TSBP1: variants seen among roughly 807,000 people sequenced by gnomAD.
TSBP1 encodes the protein testis-expressed basic protein 1.
Under a neutral mutation model 68.8 loss-of-function variants are expected in TSBP1, and 56 were observed. The observed-to-expected ratio is 0.81, with a 90% CI of 0.66 to 1.02. The LOEUF is 1.02. Among genes scored for constraint, TSBP1 ranks in the 50% least tolerant of loss-of-function variants. TSBP1 has a pLI of 0.00. For synonymous variants in TSBP1, 171 were observed against 208.7 expected, an observed-to-expected ratio of 0.82 and a Z score of 1.56; for missense variants, 502 against 641.2, an observed-to-expected ratio of 0.78 and a Z score of 2.34.
At chr6:32,341,833 A>G (rs2127614645) in intron 9 of TSBP1, among the ~76,000 whole-genome samples, 1 of 152,294 alleles carries the variant, frequency 6.6e-6, no homozygotes, top group East Asian at 1.9e-4. Flanking sequence ...ATTTAATTCC[A>G]TCTTTGAACA....
At chr6:32,297,329 A>G (rs1486978027) in intron 22 of TSBP1, among the ~76,000 whole-genome samples, 1 of 152,232 alleles carries the variant, frequency 6.6e-6, no homozygotes. Flanking sequence ...AGATTTAATC[A>G]AGACTTTGGG....
chr6:32,370,314 C>G (rs977910474), intron 1 of TSBP1, among the ~76,000 whole-genome samples: 1 of 151,004 alleles, frequency 6.6e-6, no homozygotes, highest in Non-Finnish European at 1.5e-5. Flanking sequence ...AATCAGTGGT[C>G]TACGAAGCTA....
rs958762957 is a variant in TSBP1 at position 32,343,279 on chromosome 6, T to C, written c.350-3641A>G. On this transcript the variant is annotated intron_variant, in intron 9 of 22. Transcript: ENST00000612031. This position sits in a 1 kb window ranked among gnomAD's most constrained non-coding sequence, Gnocchi z 4.3. ...TAAAGCTAAAGAACAATAACAATTA[T>C]TCAAGTCAGTCTAAAGTTTCAATAA... The C allele has an allele frequency of 7.4e-7, 1 of 1,357,896 alleles. No homozygotes were observed. Among genetic ancestry groups the C allele is most frequent in the East Asian group, 3.0e-5 (1 of 33,424 alleles). 84.1% of individuals were successfully genotyped at this position (1,357,896 alleles called of 1,614,324 possible).
Position 32,310,761 on chromosome 6 carries a change from A to ATATATATATATATTT in TSBP1, c.580+5010_580+5011insAAATATATATATATA. 3.2e-3 allele frequency among the ~76,000 whole-genome samples: 457 copies of ATATATATATATATTT among 144,814 alleles called. 4 individuals are homozygous for ATATATATATATATTT. The highest frequency in any genetic ancestry group is 0.015 in the Middle Eastern group (4 of 272). ...TATATATACATATATATATATATAT[A>ATATATATATATATTT]TTTTTAATCTTTTTAGAAAGGATAG... On this transcript the variant is annotated intron_variant, in intron 19 of 22. Coordinates refer to ENST00000612031, the Ensembl canonical transcript of TSBP1.
In TSBP1 at chr6:32,335,849, C is replaced by T. The variant is rs1231478910; in HGVS notation, c.451+63G>A. The T allele has an allele frequency of 4.6e-5, 60 of 1,309,320 alleles. No individual in the cohort carries two copies. Among genetic ancestry groups the T allele is most frequent in the Non-Finnish European group, 6.2e-5 (56 of 910,260 alleles). 81.1% of individuals were successfully genotyped at this position (1,309,320 alleles called of 1,614,324 possible). ...AAATCCCAACATGGAAACCAGGTAG[C>T]GATCCCTAAGATACTGCAGGAAAGT... On this transcript the variant is annotated intron_variant, in intron 13 of 22. Coordinates refer to ENST00000612031, the Ensembl canonical transcript of TSBP1. This position sits in a 1 kb window ranked among gnomAD's most constrained non-coding sequence, Gnocchi z 5.5.
Position 32,302,700 on chromosome 6 carries a change from C to T in TSBP1, c.581-71G>A, listed in dbSNP as rs1204470494. ...ACAGAAGTACAGTTCTTTCCTACTCCCAATTCCCTAGTTGTTTTTTCTAGG... is the reference window on the plus strand; with the variant it reads ...ACAGAAGTACAGTTCTTTCCTACTCTCAATTCCCTAGTTGTTTTTTCTAGG... On this transcript the variant is annotated intron_variant, in intron 19 of 22. Transcript: ENST00000612031. This position sits in a 1 kb window ranked among gnomAD's most constrained non-coding sequence, Gnocchi z 5.1. The T allele has an allele frequency of 1.8e-6, 2 of 1,101,894 alleles. No homozygotes were observed. Among genetic ancestry groups the T allele is most frequent in the Admixed American group, 4.9e-5 (2 of 40,684 alleles). The allele number at this position is 1,101,894 out of a possible 1,614,324, so 68.3% of individuals were successfully genotyped here. A position where few individuals can be genotyped will look rare whatever the true frequency, so the allele number is the denominator to read the frequency against.
chr6:32,325,805 G>A lies in TSBP1; in HGVS notation c.515-2191C>T. 2 of 1,253,958 alleles carry A rather than the reference G, an allele frequency of 1.6e-6. No individual in the cohort carries two copies. Among genetic ancestry groups the A allele is most frequent in the South Asian group, 1.2e-5 (1 of 83,950 alleles). The allele number at this position is 1,253,958 out of a possible 1,614,324, so 77.7% of individuals were successfully genotyped here. Reference sequence around the variant, plus strand: ...GCTCCATCCAGCCGAAGAGGTCGAAGTGGTTCTGGAAACTTAGGTGGTGGT... The same window carrying A: ...GCTCCATCCAGCCGAAGAGGTCGAAATGGTTCTGGAAACTTAGGTGGTGGT... On this transcript the variant is annotated intron_variant, in intron 16 of 22. Coordinates refer to ENST00000612031, the Ensembl canonical transcript of TSBP1. The surrounding 1 kb of genome is among the most constrained non-coding windows in gnomAD (Gnocchi z 4.4).
chr6:32,356,652 G>A (rs1056736667), intron 6 of TSBP1, among the ~76,000 whole-genome samples: 3 of 152,036 alleles, frequency 2.0e-5, no homozygotes, highest in Non-Finnish European at 4.4e-5. Context: ...CCCGGGAGAC[G>A]GAGATTGCAG....
intron 22 of TSBP1, among the ~76,000 whole-genome samples, chr6:32,296,455 A>G (rs1764737018): frequency 6.6e-6 from 1 of 152,208 alleles, no homozygotes; most frequent in Non-Finnish European, 1.5e-5. Context: ...GGTTACTGAC[A>G]TTTTATTCTA....
intron 8 of TSBP1, among the ~76,000 whole-genome samples, chr6:32,351,577 G>A (rs1197972433): frequency 2.6e-5 from 4 of 152,116 alleles, no homozygotes; most frequent in African/African-American, 9.7e-5. Context: ...AATTTTAGAA[G>A]TAGAGACTAC....
In TSBP1 at chr6:32,357,288, A is replaced by AT. The variant is rs1772457421; in HGVS notation, c.218-1620dup. 6.6e-6 allele frequency among the ~76,000 whole-genome samples: 1 copy of AT among 152,190 alleles called. No homozygotes were observed. The highest frequency in any genetic ancestry group is 1.5e-5 in the Non-Finnish European group (1 of 68,020). On this transcript the variant is annotated intron_variant, in intron 6 of 22. Coordinates refer to ENST00000612031, the Ensembl canonical transcript of TSBP1. This position sits in a 1 kb window ranked among gnomAD's most constrained non-coding sequence, Gnocchi z 4.7. ...GAGCCCAGATTAGAAAGATACTAAG[A>AT]TTGTAGGCTTGTACACTAAAGATCT...
intron 4 of TSBP1, among the ~76,000 whole-genome samples, chr6:32,367,243 A>AGAGAGAGAGAGAG (rs1773845910): frequency 7.7e-6 from 1 of 130,662 alleles, no homozygotes; most frequent in Non-Finnish European, 1.7e-5. Flanking sequence ...GAGGGAAGGA[A>AGAGAGAGAGAGAG]AGAGAGAGAG....
chr6:32,310,761 A>ATATATATTTTTTTT, intron 19 of TSBP1, among the ~76,000 whole-genome samples: 2 of 144,834 alleles, frequency 1.4e-5, no homozygotes, highest in South Asian at 2.2e-4. Flanking sequence ...ATATATATAT[A>ATATATATTTTTTTT]TTTTTAATCT....
At chr6:32,313,674 A>G (rs1328557929) in intron 19 of TSBP1, among the ~76,000 whole-genome samples, 6 of 149,670 alleles carry the variant, frequency 4.0e-5, no homozygotes, top group African/African-American at 1.2e-4. Flanking sequence ...TGATATAAAT[A>G]CCCTGGGTTG....
chr6:32,298,739 T>C (rs1764967138), intron 22 of TSBP1, among the ~76,000 whole-genome samples: 1 of 152,246 alleles, frequency 6.6e-6, no homozygotes, highest in African/African-American at 2.4e-5. Context: ...GTGTTTGGAA[T>C]GTTTGAAATG....
intron 18 of TSBP1, among the ~76,000 whole-genome samples, chr6:32,320,461 T>G (rs6935715): frequency 0.026 from 3,961 of 152,278 alleles, 111 homozygotes; most frequent in East Asian, 0.089. Flanking sequence ...TGTTGTATCT[T>G]GAGGCTTTTG....
At chr6:32,370,853 A>G (rs201006302) in intron 1 of TSBP1, among the ~76,000 whole-genome samples, 1 of 54,802 alleles carries the variant, frequency 1.8e-5, no homozygotes, top group Non-Finnish European at 3.8e-5. Context: ...GAAAAAAAAG[A>G]AAAGAGAGAG....
Position 32,314,333 on chromosome 6 carries a change from C to T in TSBP1, c.580+1439G>A, listed in dbSNP as rs186461124. 9.5e-4 allele frequency among the ~76,000 whole-genome samples: 145 copies of T among 152,312 alleles called. 2 individuals are homozygous for T. Among genetic ancestry groups the T allele is most frequent in the African/African-American group, 3.3e-3 (138 of 41,560 alleles). ...TTTCCCTGCCCATCCTCTTTGATGA[C>T]TCCTCTGAAAAGGACACTATGCATT... On this transcript the variant is annotated intron_variant, in intron 19 of 22. Transcript: ENST00000612031. The surrounding 1 kb of genome is among the most constrained non-coding windows in gnomAD (Gnocchi z 4.2).
chr6:32,310,744 C>CATAT (rs1554188789), intron 19 of TSBP1, among the ~76,000 whole-genome samples: 60 of 131,958 alleles, frequency 4.5e-4, no homozygotes, highest in South Asian at 2.2e-3. Flanking sequence ...AATATATATA[C>CATAT]ATATATATAT....
Sources: allele counts gnomAD v4.1 joint callset (sites outside exome capture counted in the v4.1 genomes callset), GRCh38; gene constraint gnomAD v4.1.1; non-coding constraint Gnocchi (gnomAD v3.1); transcripts MANE v1.5; gene names NCBI Gene and HGNC (gene_info 2026-07-23, HGNC 2026-07-21).